FAF1: variants seen among roughly 807,000 people sequenced by gnomAD.
FAF1 encodes the protein FAS-associated factor 1.
A neutral mutation model predicts 92.5 loss-of-function variants in FAF1; 25 were observed. The ratio of observed to expected loss-of-function variants is 0.27; its 90% CI spans 0.20 to 0.38. FAF1 has a LOEUF of 0.38. Ranked by LOEUF, FAF1 falls within the 10% of genes least tolerant of loss-of-function variation. The probability of loss-of-function intolerance (pLI) is 1.00; values close to 1 mark genes in which losing one functional copy is unlikely to be tolerated. For missense variants in FAF1, 636 were observed against 793.3 expected (o/e 0.80, Z 2.38); for synonymous variants, 234 against 273.2 (o/e 0.86, Z 1.42).
Position 50,771,905 on chromosome 1 carries a change from AAAAC to A in FAF1, c.367+16091_367+16094del, listed in dbSNP as rs780507432. 3.0e-4 allele frequency among the ~76,000 whole-genome samples: 45 copies of A among 152,314 alleles called. No individual in the cohort carries two copies. The East Asian group carries it at 5.4e-3, about 18-fold the overall frequency. On this transcript the variant is annotated intron_variant, in intron 4 of 18. Transcript: ENST00000396153. ...GATAAGAGTGAAACTCCGTCTCCAA[AAAAC>A]AAACAAACAAACAAAATGCCAACTA...
intron 8 of FAF1, among the ~76,000 whole-genome samples, chr1:50,606,603 G>A (rs755561449): frequency 4.1e-5 from 6 of 145,094 alleles, no homozygotes; most frequent in African/African-American, 5.1e-5. Context: ...AGGTTCAAGC[G>A]ATTCTCCTGC....
At chr1:50,516,716 T>G (rs1026156932) in intron 15 of FAF1, among the ~76,000 whole-genome samples, 2 of 152,190 alleles carry the variant, frequency 1.3e-5, no homozygotes, top group Non-Finnish European at 2.9e-5. Flanking sequence ...ACTTTCAAAG[T>G]GAAATCCTGT....
chr1:50,846,919 A>C (rs1414417405), intron 2 of FAF1: 1 of 342,750 alleles, frequency 2.9e-6, no homozygotes, highest in African/African-American at 2.2e-5. Flanking sequence ...ATAGTTTACA[A>C]GCTTGGCCTT....
chr1:50,618,323 G>C (rs1653022632), intron 8 of FAF1, among the ~76,000 whole-genome samples: 1 of 151,250 alleles, frequency 6.6e-6, no homozygotes, highest in Non-Finnish European at 1.5e-5. Flanking sequence ...GCATCCCAGA[G>C]ATTTTGGTAA....
chr1:50,635,116 T>G (rs1337381535), intron 8 of FAF1, among the ~76,000 whole-genome samples: 1 of 152,206 alleles, frequency 6.6e-6, no homozygotes, highest in African/African-American at 2.4e-5. Context: ...GTACTACTGC[T>G]ATTTCCTGAC....
Position 50,788,035 on chromosome 1 carries a change from T to C in FAF1, c.332A>G (p.Asn111Ser). The C allele has an allele frequency of 1.9e-6, 3 of 1,614,098 alleles. No homozygotes were observed. Among genetic ancestry groups the C allele is most frequent in the Non-Finnish European group, 2.5e-6 (3 of 1,180,012 alleles). The change falls in exon 4 of 19, where the codon AAT (asparagine) becomes AGT (serine). Residue 111 changes from asparagine (N) to serine (S), a missense_variant. Transcript: ENST00000396153. ...LDFRVEYRDR[N>S]VDVVLEDTCT... ...GGTGTCTTCAAGTACCACATCAACA[T>C]TTCTGTCTCTGTATTCAACCCTGAA... is the stretch of plus-strand genomic sequence containing the variant.
intron 1 of FAF1, among the ~76,000 whole-genome samples, chr1:50,951,104 C>T (rs944570320): frequency 2.0e-5 from 3 of 152,184 alleles, no homozygotes; most frequent in Admixed American, 6.5e-5. Flanking sequence ...TGTGGTGGCA[C>T]ACGCCTGTAA....
intron 1 of FAF1, among the ~76,000 whole-genome samples, chr1:50,920,880 TCAC>T (rs1157401107): frequency 3.3e-5 from 5 of 152,310 alleles, no homozygotes; most frequent in Non-Finnish European, 5.9e-5. Flanking sequence ...ATGTTTGCTG[TCAC>T]CACTTCTATT....
intron 1 of FAF1, among the ~76,000 whole-genome samples, chr1:50,907,240 G>T (rs1305764095): frequency 9.2e-5 from 14 of 152,150 alleles, no homozygotes; most frequent in African/African-American, 3.4e-4. Context: ...CAACTTGATC[G>T]TGGTGTATAA....
In FAF1 at chr1:50,910,564, C is replaced by A. The variant is rs141711349; in HGVS notation, c.45+49203G>T. The stretch of plus-strand genomic sequence containing the variant: ...TCGAGCTTCCGGGCCACTTTGTTTA[C>A]CTACTCAAGCCTCAGCAATGGCGGA... On this transcript the variant is annotated intron_variant, in intron 1 of 18. Coordinates refer to ENST00000396153, the MANE Select transcript of FAF1 (RefSeq NM_007051.3). Among the ~76,000 whole-genome samples the A allele has an allele frequency of 7.0e-4, 107 of 152,288 alleles. 5 individuals carry two copies. The East Asian group carries it at 0.02, about 28-fold the overall frequency.
chr1:50,744,190 G>T (rs1337810903), intron 5 of FAF1, among the ~76,000 whole-genome samples: 6 of 152,076 alleles, frequency 3.9e-5, no homozygotes, highest in Admixed American at 3.3e-4. Context: ...TTCATTCCAT[G>T]CACCTGCCAC....
chr1:50,663,090 A>G (rs1023163776), intron 7 of FAF1, among the ~76,000 whole-genome samples: 1 of 151,856 alleles, frequency 6.6e-6, no homozygotes, highest in East Asian at 1.9e-4. Flanking sequence ...GAGAAAAGCT[A>G]AACATATTTC....
intron 13 of FAF1, among the ~76,000 whole-genome samples, chr1:50,549,460 C>T (rs1180349362): frequency 1.3e-5 from 2 of 151,902 alleles, no homozygotes; most frequent in South Asian, 2.1e-4. Context: ...AGGCATGCAC[C>T]ACCATGCCCA....
intron 9 of FAF1, among the ~76,000 whole-genome samples, chr1:50,591,913 T>C (rs1651534697): frequency 6.6e-6 from 1 of 152,196 alleles, no homozygotes; most frequent in Non-Finnish European, 1.5e-5. Context: ...CTGTGACTCA[T>C]TCTTTATAAT....
chr1:50,510,454 G>T (rs958910150), intron 15 of FAF1, among the ~76,000 whole-genome samples: 1 of 152,044 alleles, frequency 6.6e-6, no homozygotes, highest in African/African-American at 2.4e-5. Flanking sequence ...AATGGTAGAG[G>T]GGGGGAAGCA....
chr1:50,766,811 A>C (rs1000628449), intron 4 of FAF1, among the ~76,000 whole-genome samples: 17 of 151,330 alleles, frequency 1.1e-4, no homozygotes, highest in Non-Finnish European at 2.2e-4. Context: ...AAAAAAAAAA[A>C]ACCACACATC....
At chr1:50,613,764 T>A (rs1338541845) in intron 8 of FAF1, among the ~76,000 whole-genome samples, 3 of 151,562 alleles carry the variant, frequency 2.0e-5, no homozygotes, top group Non-Finnish European at 4.4e-5. Context: ...TATATACACA[T>A]GCATTGCAAG....
chr1:50,687,408 A>C (rs1489012442), intron 7 of FAF1, among the ~76,000 whole-genome samples: 1 of 151,934 alleles, frequency 6.6e-6, no homozygotes, highest in African/African-American at 2.4e-5. Flanking sequence ...ATTTGCATAG[A>C]CATTCCTCCA....
intron 4 of FAF1, among the ~76,000 whole-genome samples, chr1:50,764,104 T>C (rs980865411): frequency 2.0e-5 from 3 of 152,330 alleles, no homozygotes; most frequent in East Asian, 1.9e-4. Flanking sequence ...CACTTTCTCA[T>C]TACTTTTTTT....
Sources: allele counts gnomAD v4.1 joint callset (sites outside exome capture counted in the v4.1 genomes callset), GRCh38; gene constraint gnomAD v4.1.1; transcripts MANE v1.5; gene names NCBI Gene and HGNC (gene_info 2026-07-23, HGNC 2026-07-21).